The following LIMK2 variants were observed in gnomAD, a reference collection of about 807,000 sequenced individuals.
LIMK2 encodes the protein LIM domain kinase 2.
Under a neutral mutation model 75.7 loss-of-function variants are expected in LIMK2, and 35 were observed. That is an observed-to-expected ratio of 0.46 (90% CI 0.35 to 0.61). LIMK2 has a LOEUF of 0.61. LIMK2 is among the 20% of genes least tolerant of loss of function. The pLI is 0.00. For synonymous variants in LIMK2, 301 were observed against 319.2 expected (o/e 0.94, Z 0.61); for missense variants, 623 against 831.0 (o/e 0.75, Z 3.08).
intron 2 of LIMK2, among the ~76,000 whole-genome samples, chr22:31,244,387 G>C (rs773808416): frequency 1.3e-5 from 2 of 152,146 alleles, no homozygotes; most frequent in African/African-American, 2.4e-5. Context: ...GAATTACAGG[G>C]GAACATAATA....
intron 2 of LIMK2, among the ~76,000 whole-genome samples, chr22:31,249,341 TG>T (rs1042827105): frequency 9.9e-5 from 15 of 152,164 alleles, no homozygotes; most frequent in African/African-American, 3.6e-4. Context: ...GGGAAAGACC[TG>T]GGCGAGTGCT....
At chr22:31,242,246 G>A (rs894598717) in intron 2 of LIMK2, among the ~76,000 whole-genome samples, 6 of 152,212 alleles carry the variant, frequency 3.9e-5, no homozygotes, top group Non-Finnish European at 5.9e-5. Context: ...GACTCCTGAT[G>A]ATCAGCTCCT....
At chr22:31,228,114 T>C (rs1206532172) in intron 2 of LIMK2, among the ~76,000 whole-genome samples, 2 of 152,058 alleles carry the variant, frequency 1.3e-5, no homozygotes, top group African/African-American at 4.8e-5. Flanking sequence ...CACGTTAGCA[T>C]GGTAGATAAG....
intron 1 of LIMK2, 116 bp from the exon 2 acceptor site, chr22:31,225,604 T>C (rs2048470476): frequency 1.4e-6 from 1 of 721,280 alleles, no homozygotes; most frequent in Admixed American, 2.2e-5. Context: ...AGCAGAGCAT[T>C]GGCCTAACCC....
chr22:31,265,971 C>T lies in LIMK2; in HGVS notation c.880C>T (p.Pro294Ser). 6.2e-7 allele frequency: 1 copy of T among 1,614,192 alleles called. No homozygotes were observed. Among genetic ancestry groups the T allele is most frequent in the African/African-American group, 1.3e-5 (1 of 75,046 alleles). ...LRRSNSISKS[P>S]GPSSPKEPLL... Reference sequence around the variant, plus strand: ...GCGCAGTAACAGTATCTCCAAGTCCCCTGGCCCCAGCTCCCCAAAGGAGCC... The same window carrying T: ...GCGCAGTAACAGTATCTCCAAGTCCTCTGGCCCCAGCTCCCCAAAGGAGCC... The change falls in exon 8 of 16, where the codon CCT (proline) becomes TCT (serine). Residue 294 changes from proline (P) to serine (S), a missense_variant. Physicochemically the swap from Pro to Ser is moderately conservative, Grantham distance 74. Transcript: ENST00000331728.
At chr22:31,212,997 AAGGG>A (rs905605570) in intron 1 of LIMK2, among the ~76,000 whole-genome samples, 2 of 152,010 alleles carry the variant, frequency 1.3e-5, no homozygotes, top group African/African-American at 4.8e-5. Flanking sequence ...TGCAGAAAAT[AAGGG>A]AGTATGGAGC....
intron 1 of LIMK2, among the ~76,000 whole-genome samples, chr22:31,223,969 G>C (rs1229800110): frequency 6.6e-6 from 1 of 152,206 alleles, no homozygotes; most frequent in East Asian, 1.9e-4. Context: ...GAGCAATCTT[G>C]AAGTGCCAGG....
chr22:31,223,148 T>C (rs964403672), intron 1 of LIMK2, among the ~76,000 whole-genome samples: 5 of 152,074 alleles, frequency 3.3e-5, no homozygotes, highest in African/African-American at 1.2e-4. Context: ...AGGGAAGGGC[T>C]AGAGAGACAT....
chr22:31,263,676 C>CAA (rs34111805), intron 7 of LIMK2, among the ~76,000 whole-genome samples: 41 of 144,334 alleles, frequency 2.8e-4, no homozygotes, highest in African/African-American at 6.5e-4. Context: ...ACTGTCTCTA[C>CAA]AAAAAAAAAA....
chr22:31,273,442 GT>G lies in LIMK2; in HGVS notation c.1559-8del. 2 of 1,612,788 alleles carry G rather than the reference GT, an allele frequency of 1.2e-6. No homozygotes were observed. The highest frequency in any genetic ancestry group is 1.7e-6 in the Non-Finnish European group (2 of 1,178,894). The stretch of plus-strand genomic sequence containing the variant: ...TAAACTTAACAGTGTGCTCTCCTGT[GT>G]TCCCCAAGGAAAGAGCTATGATGAG... On this transcript the variant is annotated splice_polypyrimidine_tract_variant and intron_variant, in intron 13 of 15. Transcript: ENST00000331728.
At chr22:31,213,817 C>CTTTTT (rs71689139) in intron 1 of LIMK2, among the ~76,000 whole-genome samples, 4 of 145,330 alleles carry the variant, frequency 2.8e-5, no homozygotes, top group Non-Finnish European at 3.0e-5. Context: ...TTTCCAGTAA[C>CTTTTT]TTTTTTTTTT....
intron 2 of LIMK2, among the ~76,000 whole-genome samples, chr22:31,237,831 G>A (rs1052618518): frequency 2.6e-5 from 4 of 151,626 alleles, no homozygotes; most frequent in East Asian, 3.9e-4. Context: ...AAGGCCGAGC[G>A]CAGTGGCTCA....
chr22:31,255,534 C>T (rs1165743617), intron 2 of LIMK2, among the ~76,000 whole-genome samples: 2 of 152,210 alleles, frequency 1.3e-5, no homozygotes, highest in South Asian at 2.1e-4. Context: ...GGACTTGCTT[C>T]TCTAGACTTC....
chr22:31,234,785 T>C (rs1010181395), intron 2 of LIMK2, among the ~76,000 whole-genome samples: 2 of 150,960 alleles, frequency 1.3e-5, no homozygotes, highest in Non-Finnish European at 2.9e-5. Context: ...TAATGTGGCC[T>C]CTCTCCACAT....
intron 9 of LIMK2, 82 bp from the exon 10 acceptor site, chr22:31,267,694 C>T: frequency 6.8e-7 from 1 of 1,475,138 alleles, no homozygotes; most frequent in African/African-American, 1.4e-5. Flanking sequence ...TAACACTTGT[C>T]AAGCTGATTC....
intron 2 of LIMK2, among the ~76,000 whole-genome samples, chr22:31,245,758 A>G (rs1041310251): frequency 2.7e-4 from 41 of 152,026 alleles, no homozygotes; most frequent in African/African-American, 8.9e-4. Context: ...TGTGATTTTT[A>G]ATGGTTAGGG....
At chr22:31,239,462 C>T (rs1366686427) in intron 2 of LIMK2, among the ~76,000 whole-genome samples, 1 of 152,212 alleles carries the variant, frequency 6.6e-6, no homozygotes, top group East Asian at 1.9e-4. Context: ...CTCTTTATGC[C>T]TCAGTGCATT....
chr22:31,259,233 A>G lies in LIMK2; in HGVS notation c.362+3A>G. The G allele has an allele frequency of 6.4e-7, 1 of 1,568,070 alleles. No individual in the cohort carries two copies. The highest frequency in any genetic ancestry group is 8.8e-7 in the Non-Finnish European group (1 of 1,138,178). ...GTGCAGCATGCCACCCTCTACTGGT[A>G]AGATAGTGGTCCTTTGTCTATCCTC... On this transcript the variant is annotated splice_donor_region_variant and intron_variant, in intron 4 of 15. Transcript: ENST00000331728.
chr22:31,251,476 C>T (rs774250397), intron 2 of LIMK2, among the ~76,000 whole-genome samples: 4 of 152,078 alleles, frequency 2.6e-5, no homozygotes, highest in Admixed American at 6.5e-5. Context: ...TTATGTGGCT[C>T]CTCAGAGGCA....
Sources: allele counts gnomAD v4.1 joint callset (sites outside exome capture counted in the v4.1 genomes callset), GRCh38; gene constraint gnomAD v4.1.1; transcripts MANE v1.5; gene names NCBI Gene and HGNC (gene_info 2026-07-23, HGNC 2026-07-21).